ANKRD11: variants seen among roughly 807,000 people sequenced by gnomAD.
ANKRD11 encodes the protein ankyrin repeat domain 11.
A neutral mutation model predicts 195.7 loss-of-function variants in ANKRD11; 17 were observed. The observed-to-expected ratio is 0.09, with a 90% CI of 0.06 to 0.13. The LOEUF (loss-of-function observed/expected upper bound fraction) is 0.13, where lower values mean the gene tolerates loss of function less well. ANKRD11 is among the 10% of genes least tolerant of loss of function. The pLI, the probability that ANKRD11 is intolerant of heterozygous loss-of-function variation, is 1.00. For missense variants in ANKRD11, 3,735 were observed against 3,566.1 expected (o/e 1.05, Z -1.21); for synonymous variants, 1,953 against 1,528.1 (o/e 1.28, Z -6.49).
chr16:89,333,458 G>A (rs1017929253), intron 2 of ANKRD11, among the ~76,000 whole-genome samples: 9 of 152,186 alleles, frequency 5.9e-5, no homozygotes, highest in South Asian at 2.1e-4. Flanking sequence ...TGGACCCACC[G>A]TTGTGGTATC....
chr16:89,381,691 AAAC>A (rs2040663459), intron 2 of ANKRD11, among the ~76,000 whole-genome samples: 1 of 152,186 alleles, frequency 6.6e-6, no homozygotes, highest in South Asian at 2.1e-4. Flanking sequence ...TCTCATCAGG[AAAC>A]AGATGCCCTC....
rs75629150 is a variant in ANKRD11, at chr16:89,280,167, G to C, written c.6375C>G (p.Ala2125=). The C allele has an allele frequency of 1.2e-6, 2 of 1,609,540 alleles. No individual in the cohort carries two copies. The highest frequency in any genetic ancestry group is 1.1e-5 in the South Asian group (1 of 90,812). Residue 2125 remains alanine (A), a synonymous_variant, in exon 9 of 13, where the codon GCC becomes GCG. Coordinates refer to ENST00000301030, the MANE Select transcript of ANKRD11 (RefSeq NM_013275.6). ...VEPVPWADAF[A]GPEDDLDLGP... ...CCAGGTCCAGGTCGTCCTCGGGGCC[G>C]GCGAAGGCGTCCGCCCAGGGCACCG...
chr16:89,433,607 G>T (rs1040060329), intron 1 of ANKRD11, among the ~76,000 whole-genome samples: 1 of 152,166 alleles, frequency 6.6e-6, no homozygotes, highest in African/African-American at 2.4e-5. Flanking sequence ...ACCAGAGTAA[G>T]AGAGAAGGAA....
intron 1 of ANKRD11, among the ~76,000 whole-genome samples, chr16:89,422,006 G>A (rs969185994): frequency 2.0e-5 from 3 of 152,154 alleles, no homozygotes; most frequent in African/African-American, 7.2e-5. Context: ...ACTAATGGCG[G>A]CTCTCTCTGA....
Position 89,282,708 on chromosome 16 carries a change from T to C in ANKRD11, c.3834A>G (p.Lys1278=). ...CTTCTTCCAACTTTTCAAGCAGGCT[T>C]TTTTCCGCGTCGGCACTTCTCGAGG... ...RKSSRSADAE[K]SLLEKLEEEA... is the part of the protein sequence containing the mutation. The change falls in exon 9 of 13, where the codon AAA becomes AAG. Residue 1278 remains lysine (K), a synonymous_variant. Transcript: ENST00000301030. 1 of 1,614,112 alleles carries C rather than the reference T, an allele frequency of 6.2e-7. No homozygotes were observed. The highest frequency in any genetic ancestry group is 8.5e-7 in the Non-Finnish European group (1 of 1,180,032).
intron 7 of ANKRD11, chr16:89,286,602 A>G: frequency 8.8e-7 from 1 of 1,132,878 alleles, no homozygotes; most frequent in South Asian, 1.6e-5. Context: ...GCAAGAGGTT[A>G]GGGAGAAGAG....
intron 3 of ANKRD11, among the ~76,000 whole-genome samples, chr16:89,309,696 A>G (rs2036504565): frequency 6.6e-6 from 1 of 152,202 alleles, no homozygotes; most frequent in Non-Finnish European, 1.5e-5. Context: ...CTGGGGTGGG[A>G]CAGGCCCTGT....
chr16:89,441,247 A>T (rs891068863), intron 1 of ANKRD11, among the ~76,000 whole-genome samples: 4 of 151,928 alleles, frequency 2.6e-5, no homozygotes, highest in Non-Finnish European at 5.9e-5. Flanking sequence ...AAAAAAAAAA[A>T]GTTTCCTCGC....
chr16:89,399,689 C>T (rs1483248734), intron 2 of ANKRD11, among the ~76,000 whole-genome samples: 2 of 152,112 alleles, frequency 1.3e-5, no homozygotes, highest in East Asian at 3.8e-4. Context: ...CCAGGGCGGT[C>T]GCGACTATAA....
chr16:89,482,893 A>G (rs1000767696), intron 1 of ANKRD11, among the ~76,000 whole-genome samples: 1 of 152,240 alleles, frequency 6.6e-6, no homozygotes, highest in African/African-American at 2.4e-5. Flanking sequence ...TGGAACACGG[A>G]AAAGACAAGA....
intron 2 of ANKRD11, among the ~76,000 whole-genome samples, chr16:89,407,840 C>T (rs897573793): frequency 3.7e-5 from 5 of 133,720 alleles, no homozygotes; most frequent in Non-Finnish European, 7.7e-5. Flanking sequence ...AGAGTCAGAT[C>T]CTGTCTCCCT....
In ANKRD11 at chr16:89,281,289, A is replaced by G. The variant is rs960304355; in HGVS notation, c.5253T>C (p.Ala1751=). The change falls in exon 9 of 13, where the codon GCT becomes GCC. Residue 1751 remains alanine (A), a synonymous_variant. Transcript: ENST00000301030. This position sits in a 1 kb window ranked among gnomAD's most constrained non-coding sequence, Gnocchi z 5.5. ...DSQHSTPVPT[A]PTSACSPSFF... is the part of the protein sequence containing the mutation. ...AGGAGGGGGAGCAGGCGCTGGTGGG[A>G]GCGGTGGGCACGGGCGTGGAGTGCT... is the stretch of plus-strand genomic sequence containing the variant. 1.2e-6 allele frequency: 2 copies of G among 1,614,068 alleles called. No homozygotes were observed. The highest frequency in any genetic ancestry group is 1.7e-6 in the Non-Finnish European group (2 of 1,180,014).
At chr16:89,318,784 T>G (rs1025016133) in intron 2 of ANKRD11, among the ~76,000 whole-genome samples, 1 of 152,224 alleles carries the variant, frequency 6.6e-6, no homozygotes, top group African/African-American at 2.4e-5. Flanking sequence ...ACAGGTGAAG[T>G]TATTCTGGAG....
intron 4 of ANKRD11, among the ~76,000 whole-genome samples, chr16:89,303,080 C>A (rs2035954683): frequency 6.6e-6 from 1 of 152,194 alleles, no homozygotes; most frequent in African/African-American, 2.4e-5. Context: ...GAGACCTGAG[C>A]AGCCAGATGG....
At chr16:89,483,281 T>C (rs1169882060) in intron 1 of ANKRD11, among the ~76,000 whole-genome samples, 1 of 152,256 alleles carries the variant, frequency 6.6e-6, no homozygotes, top group African/African-American at 2.4e-5. Flanking sequence ...AAATGTCCTT[T>C]TTTACAAGAG....
chr16:89,379,309 T>C (rs1240279844), intron 2 of ANKRD11, among the ~76,000 whole-genome samples: 5 of 152,200 alleles, frequency 3.3e-5, no homozygotes, highest in Admixed American at 2.0e-4. Context: ...AGTTCCTAAG[T>C]GGAACAACAA....
intron 2 of ANKRD11, among the ~76,000 whole-genome samples, chr16:89,399,353 G>A (rs1257844787): frequency 6.6e-6 from 1 of 152,066 alleles, no homozygotes; most frequent in Non-Finnish European, 1.5e-5. Flanking sequence ...ACCAGGCCCT[G>A]AAAAGACAAA....
At chr16:89,458,676 AAAG>A (rs2056539514) in intron 1 of ANKRD11, among the ~76,000 whole-genome samples, 1 of 152,236 alleles carries the variant, frequency 6.6e-6, no homozygotes, top group Non-Finnish European at 1.5e-5. Flanking sequence ...TGCTTGCTAC[AAAG>A]AAGCTGTTTC....
chr16:89,425,111 G>C (rs573437150), intron 1 of ANKRD11, among the ~76,000 whole-genome samples: 19 of 149,496 alleles, frequency 1.3e-4, no homozygotes, highest in Admixed American at 6.0e-4. Context: ...AAAAAAGAAA[G>C]AGTCCAATAT....
Sources: allele counts gnomAD v4.1 joint callset (sites outside exome capture counted in the v4.1 genomes callset), GRCh38; gene constraint gnomAD v4.1.1; non-coding constraint Gnocchi (gnomAD v3.1); transcripts MANE v1.5; gene names NCBI Gene and HGNC (gene_info 2026-07-23, HGNC 2026-07-21).